GAB1: variants seen among roughly 807,000 people sequenced by gnomAD.
GAB1 encodes the protein GRB2-associated-binding protein 1.
GAB1 carries 19 observed loss-of-function variants against 66.5 expected under a neutral mutation model. The ratio of observed to expected loss-of-function variants is 0.29; its 90% confidence interval spans 0.20 to 0.42. The LOEUF (loss-of-function observed/expected upper bound fraction) is 0.42, where lower values mean the gene tolerates loss of function less well. GAB1 is among the 10% of genes least tolerant of loss of function. The pLI is 1.00. For missense variants in GAB1, 732 were observed against 858.5 expected (o/e 0.85, Z 1.84); for synonymous variants, 294 against 301.4 (o/e 0.98, Z 0.25).
intron 9 of GAB1, among the ~76,000 whole-genome samples, chr4:143,468,130 C>G (rs781186260): frequency 1.4e-5 from 2 of 146,146 alleles, no homozygotes; most frequent in African/African-American, 2.5e-5. Context: ...ATCAGGTTGT[C>G]TATGTTAAGA....
chr4:143,337,339 T>G, intron 1 of GAB1, 79 bp downstream of exon 1: 2 of 1,218,084 alleles, frequency 1.6e-6, no homozygotes, highest in Non-Finnish European at 2.4e-6. Context: ...CGGCTGCAGC[T>G]GGCCGCGCGC....
chr4:143,448,344 T>A (rs558123382), intron 6 of GAB1, among the ~76,000 whole-genome samples: 8 of 151,916 alleles, frequency 5.3e-5, no homozygotes, highest in Non-Finnish European at 8.8e-5. Context: ...TTCTATTGAT[T>A]GGAATAGTTT....
chr4:143,460,467 A>C lies in GAB1; in HGVS notation c.1783A>C (p.Asn595His). 1 of 1,613,858 alleles carries C rather than the reference A, an allele frequency of 6.2e-7. No individual in the cohort carries two copies. Among genetic ancestry groups the C allele is most frequent in the Non-Finnish European group, 8.5e-7 (1 of 1,179,828 alleles). ...AGAGAATTATGTTCCCATGAACCCA[A>C]ACCTGTCCAGTGAAGACCCAGTATG... ...SEENYVPMNP[N>H]LSSEDPNLFG... Residue 595 changes from asparagine to histidine, a missense_variant, in exon 8 of 10, where the codon AAC becomes CAC. Transcript: ENST00000262994.
chr4:143,382,181 T>TTA (rs1730684756), intron 1 of GAB1, among the ~76,000 whole-genome samples: 2 of 152,370 alleles, frequency 1.3e-5, no homozygotes, highest in African/African-American at 4.8e-5. Context: ...TGCTGTTTTG[T>TTA]TATGCACTTT....
At chr4:143,412,511 C>T (rs1315021577) in intron 1 of GAB1, among the ~76,000 whole-genome samples, 3 of 152,116 alleles carry the variant, frequency 2.0e-5, no homozygotes, top group African/African-American at 7.2e-5. Context: ...ATAAAGCAGG[C>T]GTGGTCACTA....
At chr4:143,437,700 A>C (rs866209178) in intron 3 of GAB1, among the ~76,000 whole-genome samples, 3 of 152,172 alleles carry the variant, frequency 2.0e-5, no homozygotes, top group African/African-American at 7.2e-5. Flanking sequence ...TGTAATGTTT[A>C]ATTCCAGTGC....
chr4:143,361,672 C>G (rs1729666291), intron 1 of GAB1, among the ~76,000 whole-genome samples: 1 of 152,140 alleles, frequency 6.6e-6, no homozygotes, highest in South Asian at 2.1e-4. Context: ...CATCTTGCAC[C>G]ACCAGCACAG....
At chr4:143,384,970 T>G (rs1730832368) in intron 1 of GAB1, among the ~76,000 whole-genome samples, 1 of 152,184 alleles carries the variant, frequency 6.6e-6, no homozygotes, top group South Asian at 2.1e-4. Flanking sequence ...AGTTTTCAGT[T>G]TAAAAATGGA....
Position 143,460,534 on chromosome 4 carries a change from C to T in GAB1, c.1803+47C>T, listed in dbSNP as rs371182945. 14 of 1,586,284 alleles carry T rather than the reference C, an allele frequency of 8.8e-6. No homozygotes were observed. The African/African-American group carries it at 1.3e-4, about 15-fold the overall frequency. ...CCCTTTCTGAGCAGCCCTTTTCAGTCATTCAAGCTAGAACTGTTCTGTCTA... is the reference window on the plus strand; with the variant it reads ...CCCTTTCTGAGCAGCCCTTTTCAGTTATTCAAGCTAGAACTGTTCTGTCTA... On this transcript the variant is annotated intron_variant, in intron 8 of 9. Transcript: ENST00000262994.
chr4:143,360,171 G>C (rs1413121684), intron 1 of GAB1, among the ~76,000 whole-genome samples: 1 of 151,812 alleles, frequency 6.6e-6, no homozygotes, highest in Non-Finnish European at 1.5e-5. Context: ...TGTATAAGTA[G>C]ATTCACCACT....
chr4:143,396,382 C>T (rs1002877263), intron 1 of GAB1, among the ~76,000 whole-genome samples: 2 of 152,066 alleles, frequency 1.3e-5, no homozygotes, highest in African/African-American at 4.8e-5. Flanking sequence ...ACTATAGATA[C>T]AGCAGATGGA....
intron 1 of GAB1, among the ~76,000 whole-genome samples, chr4:143,393,997 G>A (rs750248904): frequency 3.3e-5 from 5 of 152,124 alleles, no homozygotes; most frequent in Non-Finnish European, 7.4e-5. Context: ...TCAGCAGCTG[G>A]GCGCTGTGGC....
intron 1 of GAB1, among the ~76,000 whole-genome samples, chr4:143,379,363 T>C (rs959934884): frequency 2.0e-5 from 3 of 152,282 alleles, no homozygotes; most frequent in East Asian, 1.9e-4. Context: ...GATTTGCAAG[T>C]GTCTCCTGCC....
intron 1 of GAB1, among the ~76,000 whole-genome samples, chr4:143,410,759 A>C (rs1732340190): frequency 6.6e-6 from 1 of 152,188 alleles, no homozygotes; most frequent in African/African-American, 2.4e-5. Flanking sequence ...CAGTTATATC[A>C]CTATCCCTGC....
chr4:143,367,776 G>A (rs1056606872), intron 1 of GAB1, among the ~76,000 whole-genome samples: 4 of 132,882 alleles, frequency 3.0e-5, no homozygotes, highest in African/African-American at 1.2e-4. Context: ...CCCAGCTGAA[G>A]TGCAGTGGCA....
intron 1 of GAB1, among the ~76,000 whole-genome samples, chr4:143,352,058 A>G (rs1426475123): frequency 6.6e-6 from 1 of 152,218 alleles, no homozygotes; most frequent in African/African-American, 2.4e-5. Flanking sequence ...GTGATAGGCA[A>G]ATTCTCTCTC....
At position 143,433,392 on chromosome 4, in the gene GAB1, T is replaced by G. The variant is rs1395379337; in HGVS notation, c.368-99T>G. ...TAGCTGACATTGTCATGATTTATTC[T>G]GTTTTTGTGTGTTGAAACAATTTGT... is the stretch of plus-strand genomic sequence containing the variant. On this transcript the variant is annotated intron_variant, in intron 2 of 9. Transcript: ENST00000262994. 2.3e-5 allele frequency: 18 copies of G among 766,698 alleles called. No homozygotes were observed. In the African/African-American group the frequency reaches 3.1e-4, roughly 13 times the overall value. 47.5% of individuals were successfully genotyped at this position (766,698 alleles called of 1,614,324 possible).
chr4:143,389,759 A>G lies in GAB1; in HGVS notation c.73-25718A>G, dbSNP rs193234306. Among the ~76,000 whole-genome samples the G allele has an allele frequency of 2.0e-5, 3 of 152,346 alleles. No homozygotes were observed. The East Asian group carries it at 5.8e-4, about 29-fold the overall frequency. ...GTAAGTGCTCAGTACATATTTGTTG[A>G]ATGACTAAATAAGTGGATTCTGGCA... is the stretch of plus-strand genomic sequence containing the variant. On this transcript the variant is annotated intron_variant, in intron 1 of 9. Transcript: ENST00000262994.
Position 143,362,747 on chromosome 4 carries a change from G to T in GAB1, c.72+25487G>T, listed in dbSNP as rs575101329. Among the ~76,000 whole-genome samples, 41 of 152,232 alleles carry T rather than the reference G, an allele frequency of 2.7e-4. 2 individuals are homozygous for T. The South Asian group carries it at 7.3e-3, about 27-fold the overall frequency. On this transcript the variant is annotated intron_variant, in intron 1 of 9. Transcript: ENST00000262994. ...TGGTGGGTTTTGGCCAGCCTTTTCT[G>T]TGCATCCTGTTTTGTCAACAAGGTC...
Sources: allele counts gnomAD v4.1 joint callset (sites outside exome capture counted in the v4.1 genomes callset), GRCh38; gene constraint gnomAD v4.1.1; transcripts MANE v1.5; gene names NCBI Gene and HGNC (gene_info 2026-07-23, HGNC 2026-07-21).